Variants in SLC25A21 observed in about 807,000 individuals in gnomAD.
The protein encoded by SLC25A21 is mitochondrial 2-oxodicarboxylate carrier.
In SLC25A21, 47 loss-of-function variants were observed where a neutral mutation model predicts 43.8. That is an observed-to-expected ratio of 1.07 (90% CI 0.85 to 1.37). The LOEUF is 1.37. Ranked by LOEUF, SLC25A21 falls within the 40% of genes most tolerant of loss-of-function variation. The pLI is 0.00. For missense variants in SLC25A21, 352 were observed against 350.2 expected, an observed-to-expected ratio of 1.00 and a Z score of -0.04; for synonymous variants, 131 against 121.3, an observed-to-expected ratio of 1.08 and a Z score of -0.52.
At chr14:37,065,446 A>G (rs1962039766) in intron 1 of SLC25A21, among the ~76,000 whole-genome samples, 1 of 152,230 alleles carries the variant, frequency 6.6e-6, no homozygotes, top group Non-Finnish European at 1.5e-5. Context: ...TGTCAATTGT[A>G]GACCTCTCAG....
At chr14:36,935,051 G>C (rs1892385765) in intron 1 of SLC25A21, among the ~76,000 whole-genome samples, 1 of 151,860 alleles carries the variant, frequency 6.6e-6, no homozygotes, top group Non-Finnish European at 1.5e-5. Flanking sequence ...CTTTCAAATG[G>C]AGAAGATAAC....
chr14:36,896,540 A>T (rs542402592), intron 1 of SLC25A21, among the ~76,000 whole-genome samples: 1 of 152,156 alleles, frequency 6.6e-6, no homozygotes, highest in African/African-American at 2.4e-5. Context: ...GCCCATTTAC[A>T]TTTAAGGTTA....
Position 37,116,919 on chromosome 14 carries a change from C to T in SLC25A21, c.70+55362G>A, listed in dbSNP as rs1372551099. Among the ~76,000 whole-genome samples, 6 of 152,118 alleles carry T rather than the reference C, an allele frequency of 3.9e-5. 1 individual carries two copies. Among genetic ancestry groups the T allele is most frequent in the Admixed American group, 3.9e-4 (6 of 15,272 alleles). The stretch of plus-strand genomic sequence containing the variant: ...TCTTATTTTAAGCATGGCAGGACAG[C>T]TTTTCAAAACATAACTTGTAGTATT... On this transcript the variant is annotated intron_variant, in intron 1 of 9. Transcript: ENST00000331299.
chr14:36,805,441 T>C lies in SLC25A21; in HGVS notation c.203+8477A>G, dbSNP rs1163695059. ...GAAAAGGAAACAGAACTCTGGGCCA[T>C]TGAAGCCCTGGGATGCCGCCCTCTG... On this transcript the variant is annotated intron_variant, in intron 3 of 9. Transcript: ENST00000331299. Among the ~76,000 whole-genome samples the C allele has an allele frequency of 9.2e-5, 14 of 152,264 alleles. No individual in the cohort carries two copies. In the South Asian group the frequency reaches 1.0e-3, roughly 11 times the overall value.
intron 1 of SLC25A21, among the ~76,000 whole-genome samples, chr14:36,913,382 G>A (rs1879638040): frequency 6.6e-6 from 1 of 152,122 alleles, no homozygotes; most frequent in Non-Finnish European, 1.5e-5. Context: ...TCCGCCTCTT[G>A]GGCTCAAGCC....
At chr14:36,837,701 C>T (rs17105474) in intron 2 of SLC25A21, among the ~76,000 whole-genome samples, 1,732 of 152,272 alleles carry the variant, frequency 0.011, 24 homozygotes, top group African/African-American at 0.039. Context: ...GACACCTTGG[C>T]TTTGCAGTTC....
At chr14:36,793,509 TCTGCTCCTCCCAGAAAATACAAC>T (rs1566619314) in intron 3 of SLC25A21, among the ~76,000 whole-genome samples, 1 of 142,392 alleles carries the variant, frequency 7.0e-6, no homozygotes, top group Non-Finnish European at 1.5e-5. Context: ...CCTTCTCCCC[TCTGCTCCTCCCAGAAAATACAAC>T]CAAAAAAAAA....
chr14:36,782,995 AAAAAT>A (rs1296372355), intron 3 of SLC25A21, among the ~76,000 whole-genome samples: 3 of 150,752 alleles, frequency 2.0e-5, no homozygotes, highest in African/African-American at 7.3e-5. Flanking sequence ...TAAAAAAAAT[AAAAAT>A]AAAAATAAAA....
In SLC25A21 at chr14:36,767,256, T is replaced by C. The variant is rs555891779; in HGVS notation, c.204-32683A>G. Among the ~76,000 whole-genome samples, 5 of 152,328 alleles carry C rather than the reference T, an allele frequency of 3.3e-5. No homozygotes were observed. The East Asian group carries it at 9.7e-4, about 29-fold the overall frequency. On this transcript the variant is annotated intron_variant, in intron 3 of 9. Coordinates refer to ENST00000331299, the MANE Select transcript of SLC25A21 (RefSeq NM_030631.4). The stretch of plus-strand genomic sequence containing the variant: ...TATAAAAAGTGCTCAAAAAATTAAA[T>C]GGAATTGAAAGCAGAAATGCTACCA...
chr14:36,733,478 T>C (rs1884912013), intron 4 of SLC25A21, among the ~76,000 whole-genome samples: 2 of 152,236 alleles, frequency 1.3e-5, no homozygotes, highest in South Asian at 4.1e-4. Context: ...TAGACTTGAA[T>C]TCAATCCTAT....
intron 1 of SLC25A21, among the ~76,000 whole-genome samples, chr14:37,012,755 G>C (rs1258088658): frequency 1.3e-5 from 2 of 152,148 alleles, no homozygotes. Context: ...TTTCATAATA[G>C]ATCAAACACT....
chr14:36,965,445 CT>C (rs1391433422), intron 1 of SLC25A21, among the ~76,000 whole-genome samples: 1 of 151,982 alleles, frequency 6.6e-6, no homozygotes, highest in Non-Finnish European at 1.5e-5. Context: ...TCAAAAGAAA[CT>C]TAAATTTCTT....
intron 1 of SLC25A21, among the ~76,000 whole-genome samples, chr14:36,921,495 A>T (rs2138624852): frequency 6.6e-6 from 1 of 152,312 alleles, no homozygotes; most frequent in East Asian, 1.9e-4. Context: ...TTACATTGTA[A>T]TACAGTGAAA....
intron 1 of SLC25A21, among the ~76,000 whole-genome samples, chr14:36,963,669 T>G (rs147902062): frequency 6.6e-6 from 1 of 152,162 alleles, no homozygotes; most frequent in East Asian, 1.9e-4. Flanking sequence ...CGAAGATTCA[T>G]GCAGAGAAGT....
chr14:36,716,821 G>T (rs1251183245), intron 6 of SLC25A21, among the ~76,000 whole-genome samples: 1 of 152,184 alleles, frequency 6.6e-6, no homozygotes, highest in Non-Finnish European at 1.5e-5. Context: ...ATGGCCAGTG[G>T]GTACAGGCTT....
chr14:36,738,216 T>C (rs2139235386), intron 3 of SLC25A21, among the ~76,000 whole-genome samples: 1 of 152,352 alleles, frequency 6.6e-6, no homozygotes, highest in Non-Finnish European at 1.5e-5. Context: ...CTGATAGCTA[T>C]TCTTGACTAG....
Position 37,121,983 on chromosome 14 carries a change from T to C in SLC25A21, c.70+50298A>G, listed in dbSNP as rs201218217. On this transcript the variant is annotated intron_variant, in intron 1 of 9. Transcript: ENST00000331299. Reference sequence around the variant, plus strand: ...GCAATAAACCCATCTCCCCTGATGATAGTCTCTCTCTATCCTTTTATCAGT... The same window carrying C: ...GCAATAAACCCATCTCCCCTGATGACAGTCTCTCTCTATCCTTTTATCAGT... Among the ~76,000 whole-genome samples the C allele has an allele frequency of 0.016, 2,422 of 152,016 alleles. 183 individuals carry two copies. In the East Asian group the frequency reaches 0.26, roughly 16 times the overall value.
chr14:37,171,112 GGGGGAGGGGAGGGGAGGGGA>G (rs1204971184), intron 1 of SLC25A21, among the ~76,000 whole-genome samples: 1 of 93,474 alleles, frequency 1.1e-5, no homozygotes, highest in African/African-American at 4.0e-5. Context: ...AAAGAAAAAG[GGGGGAGGGGAGGGGAGGGGA>G]GGGGAGGGGT....
intron 1 of SLC25A21, among the ~76,000 whole-genome samples, chr14:36,961,021 A>T (rs1959477708): frequency 6.6e-6 from 1 of 152,148 alleles, no homozygotes; most frequent in South Asian, 2.1e-4. Context: ...ATCTGTTACG[A>T]TGAGTGAGGA....
Sources: gnomAD v4.1 joint callset for allele counts (sites outside exome capture counted in the v4.1 genomes callset) on GRCh38, gnomAD v4.1.1 for gene constraint, MANE v1.5 for transcripts, NCBI Gene and HGNC (gene_info 2026-07-23, HGNC 2026-07-21) for gene names.